The following CCDC167 variants were observed in gnomAD, a reference collection of about 807,000 sequenced individuals.
CCDC167 encodes the protein coiled-coil domain containing 167.
A neutral mutation model predicts 12.7 loss-of-function variants in CCDC167; 15 were observed. The ratio of observed to expected loss-of-function variants is 1.18; its 90% confidence interval spans 0.79 to 1.81. CCDC167 has a LOEUF of 1.81. Among genes scored for constraint, CCDC167 ranks in the 40% most tolerant of loss-of-function variants. The probability of loss-of-function intolerance (pLI) is 0.00; values close to 1 mark genes in which losing one functional copy is unlikely to be tolerated. For synonymous variants in CCDC167, 52 were observed against 49.0 expected (o/e 1.06, Z -0.26); for missense variants, 121 against 120.1 (o/e 1.01, Z -0.03).
chr6:37,494,805 A>T lies in CCDC167; in HGVS notation c.42+5017T>A, dbSNP rs868252491. On this transcript the variant is annotated intron_variant, in intron 1 of 3. Coordinates refer to ENST00000373408, the MANE Select transcript of CCDC167 (RefSeq NM_138493.3). Reference sequence around the variant, plus strand: ...AATGCCAGTAGCCACCTACCTACAAATTTTTTTTTTTTTTTTGAGACGGGG... The same window carrying T: ...AATGCCAGTAGCCACCTACCTACAATTTTTTTTTTTTTTTTTGAGACGGGG... 1.6e-3 allele frequency among the ~76,000 whole-genome samples: 189 copies of T among 115,210 alleles called. 1 individual carries two copies. The highest frequency in any genetic ancestry group is 6.3e-3 in the African/African-American group (162 of 25,646). 75.6% of individuals were successfully genotyped at this position (115,210 alleles called of 152,430 possible).
intron 3 of CCDC167, among the ~76,000 whole-genome samples, chr6:37,484,086 C>T (rs917268087): frequency 2.0e-5 from 3 of 152,222 alleles, no homozygotes; most frequent in African/African-American, 4.8e-5. Context: ...CAGGGTGCAC[C>T]GGCCCAGACA....
intron 1 of CCDC167, 94 bp from the exon 2 acceptor site, chr6:37,485,288 C>G: frequency 1.1e-6 from 1 of 928,508 alleles, no homozygotes; most frequent in Non-Finnish European, 1.7e-6. Context: ...TCTTCTTGGA[C>G]AGGTGTTCCC....
intron 1 of CCDC167, among the ~76,000 whole-genome samples, chr6:37,489,141 CAGA>C (rs1374482723): frequency 2.0e-5 from 3 of 152,278 alleles, no homozygotes; most frequent in South Asian, 4.1e-4. Context: ...GAGGCTGAGG[CAGA>C]AGAATTGCTT....
chr6:37,491,999 C>T (rs1451892345), intron 1 of CCDC167, among the ~76,000 whole-genome samples: 1 of 152,078 alleles, frequency 6.6e-6, no homozygotes, highest in African/African-American at 2.4e-5. Context: ...CTGGGCACAA[C>T]CTCCACACCT....
At position 37,484,872 on chromosome 6, in the gene CCDC167, G is replaced by T; in HGVS notation, c.138-10C>A. On this transcript the variant is annotated splice_polypyrimidine_tract_variant and intron_variant, in intron 2 of 3. Transcript: ENST00000373408. ...CTTCTCCAGGGACCTCCTGTGAGGG[G>T]AAAGGAGCTTCATGGACCAAACCCT... 1 of 1,614,228 alleles carries T rather than the reference G, an allele frequency of 6.2e-7. No homozygotes were observed. The highest frequency in any genetic ancestry group is 8.5e-7 in the Non-Finnish European group (1 of 1,180,026).
intron 3 of CCDC167, 21 bp downstream of exon 3, chr6:37,484,789 A>C: frequency 6.2e-7 from 1 of 1,614,054 alleles, no homozygotes; most frequent in Non-Finnish European, 8.5e-7. Context: ...TGGGGCTGGT[A>C]ACTGAAAGGA....
chr6:37,496,532 C>T (rs1484956333), intron 1 of CCDC167, among the ~76,000 whole-genome samples: 1 of 152,186 alleles, frequency 6.6e-6, no homozygotes, highest in Admixed American at 6.5e-5. Flanking sequence ...TTTGTAACCC[C>T]TGGTGAAATT....
intron 1 of CCDC167, among the ~76,000 whole-genome samples, chr6:37,491,240 C>T (rs943216746): frequency 5.3e-5 from 8 of 152,280 alleles, no homozygotes; most frequent in African/African-American, 1.4e-4. Context: ...CCAACAAGCA[C>T]GAGACAGTTC....
chr6:37,495,775 G>T (rs1397019980), intron 1 of CCDC167, among the ~76,000 whole-genome samples: 2 of 152,226 alleles, frequency 1.3e-5, no homozygotes, highest in African/African-American at 4.8e-5. Flanking sequence ...TCACTCACTT[G>T]TGGGGGTTTT....
chr6:37,486,050 C>T (rs576904590), intron 1 of CCDC167, among the ~76,000 whole-genome samples: 1 of 152,260 alleles, frequency 6.6e-6, no homozygotes, highest in South Asian at 2.1e-4. Flanking sequence ...TTTAGCTGGC[C>T]ACCTCTCTGG....
At position 37,483,033 on chromosome 6, in the gene CCDC167, G is replaced by C; in HGVS notation, c.*153C>G. On this transcript the variant is annotated 3_prime_UTR_variant, in exon 4 of 4. Transcript: ENST00000373408. Reference sequence around the variant, plus strand: ...CCGGAACCCCCCAGCAGGCCAGGGAGGCAAGGCCTGGGCCGCCAGGAAGCC... The same window carrying C: ...CCGGAACCCCCCAGCAGGCCAGGGACGCAAGGCCTGGGCCGCCAGGAAGCC... 1 of 717,272 alleles carries C rather than the reference G, an allele frequency of 1.4e-6. No individual in the cohort carries two copies. Among genetic ancestry groups the C allele is most frequent in the South Asian group, 1.5e-5 (1 of 67,284 alleles). 44.4% of individuals were successfully genotyped at this position (717,272 alleles called of 1,614,324 possible).
chr6:37,485,131 G>A lies in CCDC167; in HGVS notation c.106C>T (p.Leu36Phe). Reference protein sequence around the residue: ...RRDLEAVNSRLHSRELSPEAR... With the variant: ...RRDLEAVNSRFHSRELSPEAR... The stretch of plus-strand genomic sequence containing the variant: ...TCTGGGCTCAGCTCCCGGCTGTGGA[G>A]TCTGGAGTTCACGGCCTCCAGGTCT... Residue 36 changes from leucine to phenylalanine, a missense_variant, in exon 2 of 4, where the codon CTC (leucine) becomes TTC (phenylalanine). By Grantham distance (22) the Leu-to-Phe change is conservative (BLOSUM62 0). Coordinates refer to ENST00000373408, the MANE Select transcript of CCDC167 (RefSeq NM_138493.3). 1.2e-6 allele frequency: 2 copies of A among 1,613,488 alleles called. No homozygotes were observed. Among genetic ancestry groups the A allele is most frequent in the Non-Finnish European group, 1.7e-6 (2 of 1,179,988 alleles).
At chr6:37,492,271 C>CT (rs1762032230) in intron 1 of CCDC167, among the ~76,000 whole-genome samples, 1 of 152,232 alleles carries the variant, frequency 6.6e-6, no homozygotes, top group South Asian at 2.1e-4. Context: ...TTCTGCAGAA[C>CT]AGTCATTCCA....
intron 1 of CCDC167, among the ~76,000 whole-genome samples, chr6:37,496,111 G>A (rs1296851141): frequency 6.6e-6 from 1 of 152,218 alleles, no homozygotes; most frequent in African/African-American, 2.4e-5. Flanking sequence ...TAAGGCACTT[G>A]GAGAATACAT....
intron 1 of CCDC167, among the ~76,000 whole-genome samples, chr6:37,499,213 T>C (rs1762135167): frequency 6.6e-6 from 1 of 152,230 alleles, no homozygotes; most frequent in African/African-American, 2.4e-5. Context: ...ACATAGCGGT[T>C]GCTCAGTATG....
chr6:37,494,438 G>C (rs1762071643), intron 1 of CCDC167, among the ~76,000 whole-genome samples: 1 of 152,248 alleles, frequency 6.6e-6, no homozygotes, highest in Admixed American at 6.5e-5. Context: ...CCTTACAGCA[G>C]ATACTGTCAA....
At chr6:37,485,049 G>A (rs1459222177) in intron 2 of CCDC167, 51 bp downstream of exon 2, 2 of 1,534,538 alleles carry the variant, frequency 1.3e-6, no homozygotes, top group East Asian at 2.2e-5. Context: ...GATAGATACA[G>A]GGGGTGGGGG....
chr6:37,490,736 AC>A (rs1359679642), intron 1 of CCDC167, among the ~76,000 whole-genome samples: 4 of 152,144 alleles, frequency 2.6e-5, no homozygotes, highest in African/African-American at 4.8e-5. Context: ...GGTGCTGGGG[AC>A]AAGGCCCTAG....
At chr6:37,486,023 G>C (rs556794164) in intron 1 of CCDC167, among the ~76,000 whole-genome samples, 5 of 152,318 alleles carry the variant, frequency 3.3e-5, no homozygotes, top group Admixed American at 6.5e-5. Context: ...CCCTGTGTCT[G>C]ACTCAGTCTC....
Sources: allele counts gnomAD v4.1 joint callset (sites outside exome capture counted in the v4.1 genomes callset), GRCh38; gene constraint gnomAD v4.1.1; transcripts MANE v1.5; gene names NCBI Gene and HGNC (gene_info 2026-07-23, HGNC 2026-07-21).